The following MAGI2 variants were observed in gnomAD, a reference collection of about 807,000 sequenced individuals.
The protein encoded by MAGI2 is membrane associated guanylate kinase, WW and PDZ domain containing 2.
In MAGI2, 35 loss-of-function variants were observed where a neutral mutation model predicts 133.3. The ratio of observed to expected loss-of-function variants is 0.26; its 90% CI spans 0.20 to 0.35. The LOEUF (loss-of-function observed/expected upper bound fraction) is 0.35, where lower values mean the gene tolerates loss of function less well. MAGI2 is among the 10% of genes least tolerant of loss of function. MAGI2 has a pLI of 1.00. For missense variants in MAGI2, 1,636 were observed against 1,863.4 expected (o/e 0.88, Z 2.25); for synonymous variants, 729 against 710.6 (o/e 1.03, Z -0.41).
At chr7:79,032,111 C>A (rs940146295) in intron 1 of MAGI2, among the ~76,000 whole-genome samples, 3 of 152,100 alleles carry the variant, frequency 2.0e-5, no homozygotes, top group African/African-American at 7.2e-5. Context: ...AGTGAATCAT[C>A]ATGAGGAAAA....
rs371963684 is a variant in MAGI2, at chr7:79,130,495, C to T, written c.302-123289G>A. 2.2e-4 allele frequency among the ~76,000 whole-genome samples: 33 copies of T among 152,148 alleles called. No homozygotes were observed. The Middle Eastern group carries it at 0.014, about 63-fold the overall frequency. On this transcript the variant is annotated intron_variant, in intron 1 of 21. Coordinates refer to ENST00000354212, the MANE Select transcript of MAGI2 (RefSeq NM_012301.4). ...TCATTTGTGCACTGCATAAGGATGC[C>T]GCGGCTAAGAAGCACCCACGCATTC...
chr7:78,571,486 A>G (rs987030787), intron 3 of MAGI2, among the ~76,000 whole-genome samples: 1 of 152,194 alleles, frequency 6.6e-6, no homozygotes, highest in Non-Finnish European at 1.5e-5. Context: ...TACCATTTCA[A>G]TGGGTTGTAG....
chr7:79,338,363 A>G (rs1035242837), intron 1 of MAGI2, among the ~76,000 whole-genome samples: 11 of 152,276 alleles, frequency 7.2e-5, no homozygotes, highest in African/African-American at 2.2e-4. Context: ...TCTGGTGACC[A>G]GACTTTGAGG....
intron 2 of MAGI2, among the ~76,000 whole-genome samples, chr7:78,733,635 C>T (rs1213167283): frequency 6.6e-6 from 1 of 152,096 alleles, no homozygotes; most frequent in Non-Finnish European, 1.5e-5. Flanking sequence ...TAAAATAATA[C>T]ATACAGCATT....
In MAGI2 at chr7:78,340,411, A is replaced by G. The variant is rs553740043; in HGVS notation, c.1408+3367T>C. ...AGATGGTACCATTCCTTCTGAAACT[A>G]TTCCAAACAATAGAAAATGAGGGAA... On this transcript the variant is annotated intron_variant, in intron 9 of 21. Transcript: ENST00000354212. Among the ~76,000 whole-genome samples, 19 of 152,304 alleles carry G rather than the reference A, an allele frequency of 1.2e-4. No homozygotes were observed. The East Asian group carries it at 3.7e-3, about 29-fold the overall frequency.
intron 10 of MAGI2, among the ~76,000 whole-genome samples, chr7:78,220,326 A>G (rs920263006): frequency 6.6e-6 from 1 of 152,144 alleles, no homozygotes; most frequent in Non-Finnish European, 1.5e-5. Context: ...GAACTGACCA[A>G]TCTTGCCGTG....
At chr7:78,086,783 CACTACTATGT>C (rs1290626618) in intron 20 of MAGI2, among the ~76,000 whole-genome samples, 1 of 151,790 alleles carries the variant, frequency 6.6e-6, no homozygotes. Flanking sequence ...CACAGGCGTG[CACTACTATGT>C]CTGACTAATT....
At chr7:78,680,930 G>A (rs1340886586) in intron 2 of MAGI2, among the ~76,000 whole-genome samples, 1 of 152,098 alleles carries the variant, frequency 6.6e-6, no homozygotes, top group African/African-American at 2.4e-5. Flanking sequence ...TCCTAAAAGT[G>A]ACTCTTAATT....
At chr7:78,838,571 T>C (rs1269169323) in intron 2 of MAGI2, among the ~76,000 whole-genome samples, 2 of 151,800 alleles carry the variant, frequency 1.3e-5, no homozygotes, top group Admixed American at 1.3e-4. Context: ...ATATTAGTGA[T>C]GTGTACTGTC....
chr7:78,813,803 A>C (rs1302076504), intron 2 of MAGI2, among the ~76,000 whole-genome samples: 6 of 150,828 alleles, frequency 4.0e-5, no homozygotes, highest in South Asian at 4.2e-4. Flanking sequence ...AAAAAAAAAA[A>C]ACACAAAAAG....
At chr7:78,051,070 G>A (rs1811957655) in intron 21 of MAGI2, among the ~76,000 whole-genome samples, 1 of 152,222 alleles carries the variant, frequency 6.6e-6, no homozygotes, top group South Asian at 2.1e-4. Flanking sequence ...ACTGTTTAGT[G>A]TGCCATAGGT....
At chr7:78,108,580 T>A (rs2150454972) in intron 20 of MAGI2, among the ~76,000 whole-genome samples, 1 of 152,280 alleles carries the variant, frequency 6.6e-6, no homozygotes, top group Admixed American at 6.5e-5. Context: ...GTGTTGAGAT[T>A]TCCACCTGCT....
intron 6 of MAGI2, among the ~76,000 whole-genome samples, chr7:78,467,982 G>T (rs77825336): frequency 0.18 from 27,940 of 151,962 alleles, 2,808 homozygotes; most frequent in African/African-American, 0.26. Context: ...GAAATATTCT[G>T]GGTAGCAGAG....
chr7:78,650,605 T>C (rs1438387587), intron 2 of MAGI2, among the ~76,000 whole-genome samples: 3 of 152,188 alleles, frequency 2.0e-5, no homozygotes, highest in Non-Finnish European at 4.4e-5. Flanking sequence ...GGGGCATGTA[T>C]AGACAGAGAA....
intron 10 of MAGI2, among the ~76,000 whole-genome samples, chr7:78,236,041 T>C (rs1201472453): frequency 6.6e-6 from 1 of 151,916 alleles, no homozygotes; most frequent in Non-Finnish European, 1.5e-5. Context: ...TTTTTTTTTT[T>C]TTTCTGAGTG....
At chr7:78,657,645 AG>A (rs777334585) in intron 2 of MAGI2, among the ~76,000 whole-genome samples, 2 of 152,210 alleles carry the variant, frequency 1.3e-5, no homozygotes, top group Non-Finnish European at 2.9e-5. Context: ...AGTGATTGCC[AG>A]GGATTGGGAA....
chr7:78,334,199 G>C (rs1789519005), intron 9 of MAGI2, among the ~76,000 whole-genome samples: 1 of 152,148 alleles, frequency 6.6e-6, no homozygotes, highest in Non-Finnish European at 1.5e-5. Flanking sequence ...CACTGCGCTG[G>C]GGTAGAGTGG....
At chr7:78,511,765 G>A (rs1795601060) in intron 4 of MAGI2, among the ~76,000 whole-genome samples, 1 of 143,710 alleles carries the variant, frequency 7.0e-6, no homozygotes, top group Non-Finnish European at 1.6e-5. Flanking sequence ...CTCTGAAGTG[G>A]TTCTAAGTGC....
chr7:78,793,343 GT>G (rs1787332729), intron 2 of MAGI2, among the ~76,000 whole-genome samples: 1 of 152,134 alleles, frequency 6.6e-6, no homozygotes, highest in Non-Finnish European at 1.5e-5. Context: ...ACATTTTTTG[GT>G]TTTTACAACT....
Sources: allele counts gnomAD v4.1 joint callset (sites outside exome capture counted in the v4.1 genomes callset), GRCh38; gene constraint gnomAD v4.1.1; transcripts MANE v1.5; gene names NCBI Gene and HGNC (gene_info 2026-07-23, HGNC 2026-07-21).